The following ZC4H2 variants were observed in gnomAD, a reference collection of about 807,000 sequenced individuals.
ZC4H2 encodes the protein zinc finger C4H2-type containing, also known as zinc finger C4H2 domain-containing protein.
For synonymous variants in ZC4H2, 84 were observed against 66.3 expected (o/e 1.27, Z -1.30); for missense variants, 137 against 173.9 (o/e 0.79, Z 1.19).
chrX:65,031,867 G>T (rs1009866326), intron 1 of ZC4H2, among the ~76,000 whole-genome samples: 1 of 112,323 alleles, frequency 8.9e-6, no homozygotes, highest in Non-Finnish European at 1.9e-5. Context: ...TCTGTTGGAA[G>T]AATTCAATTA....
intron 1 of ZC4H2, among the ~76,000 whole-genome samples, chrX:64,932,918 G>C (rs1334735529): frequency 5.4e-5 from 6 of 111,528 alleles, no homozygotes; most frequent in African/African-American, 2.0e-4. Context: ...AGCAAGGCCA[G>C]GGAAGTTTTC....
intron 1 of ZC4H2, among the ~76,000 whole-genome samples, chrX:64,950,840 T>C (rs1259369357): frequency 9.0e-6 from 1 of 110,504 alleles, no homozygotes; most frequent in African/African-American, 3.3e-5. Context: ...AGGTTTAGAG[T>C]ACATGTCCAC....
At chrX:64,995,471 C>T (rs890680498) in intron 1 of ZC4H2, among the ~76,000 whole-genome samples, 3 of 112,077 alleles carry the variant, frequency 2.7e-5, no homozygotes, top group African/African-American at 6.5e-5. Context: ...GTGATCCTCC[C>T]ACCTCAGCTT....
chrX:64,938,966 G>C (rs1049175239), intron 1 of ZC4H2, among the ~76,000 whole-genome samples: 1 of 111,686 alleles, frequency 9.0e-6, no homozygotes, highest in African/African-American at 3.3e-5. Context: ...AGAAATAAAG[G>C]GTATTCAAAT....
intron 1 of ZC4H2, among the ~76,000 whole-genome samples, chrX:64,989,743 A>G (rs1483729490): frequency 1.8e-5 from 2 of 112,489 alleles, no homozygotes; most frequent in Non-Finnish European, 3.8e-5. Context: ...ATTTCACTGA[A>G]GAGGTTATAC....
At chrX:64,966,580 A>G (rs935699006) in intron 1 of ZC4H2, among the ~76,000 whole-genome samples, 16 of 112,334 alleles carry the variant, frequency 1.4e-4, no homozygotes, top group Non-Finnish European at 3.8e-5. Context: ...TGAACACCCA[A>G]AATGTGCGAT....
chrX:64,952,112 G>C (rs1335669979), intron 1 of ZC4H2, among the ~76,000 whole-genome samples: 3 of 110,536 alleles, frequency 2.7e-5, no homozygotes, highest in African/African-American at 6.6e-5. Context: ...GATAGTTGTA[G>C]ACATGTGGCG....
chrX:64,923,728 G>A (rs551850053), intron 1 of ZC4H2, among the ~76,000 whole-genome samples: 78 of 106,894 alleles, frequency 7.3e-4, no homozygotes, highest in South Asian at 3.0e-3. Context: ...AAAGGTGGGT[G>A]TTATCCCATT....
chrX:64,946,233 C>A (rs1163451774), intron 1 of ZC4H2, among the ~76,000 whole-genome samples: 4 of 111,798 alleles, frequency 3.6e-5, no homozygotes, highest in African/African-American at 1.3e-4. Flanking sequence ...AATCCCAGGG[C>A]CCTGGTGGTA....
At chrX:64,945,383 C>T (rs1240490804) in intron 1 of ZC4H2, among the ~76,000 whole-genome samples, 1 of 111,832 alleles carries the variant, frequency 8.9e-6, no homozygotes, top group Non-Finnish European at 1.9e-5. Flanking sequence ...ACTCCAGATC[C>T]TATTAGCCTG....
rs751139667 is a variant in ZC4H2, at chrX:64,946,035, C to T, written c.54-24047G>A. On this transcript the variant is annotated intron_variant, in intron 1 of 4. Coordinates refer to ENST00000374839, the MANE Select transcript of ZC4H2 (RefSeq NM_018684.4). ...CTGGGCTCTGTGGGGGTGGGACCTG[C>T]TAAGCGAGATCACTTGGCTTTCTGG... 4.5e-5 allele frequency among the ~76,000 whole-genome samples: 5 copies of T among 111,149 alleles called. No homozygotes were observed. The South Asian group carries it at 1.9e-3, about 42-fold the overall frequency.
chrX:64,966,591 A>G (rs1931600425), intron 1 of ZC4H2, among the ~76,000 whole-genome samples: 1 of 112,386 alleles, frequency 8.9e-6, no homozygotes, highest in Admixed American at 9.4e-5. Context: ...AATGTGCGAT[A>G]TCCATGCAAT....
At chrX:64,928,987 C>T (rs1220283757) in intron 1 of ZC4H2, among the ~76,000 whole-genome samples, 4 of 106,460 alleles carry the variant, frequency 3.8e-5, no homozygotes, top group Non-Finnish European at 7.7e-5. Flanking sequence ...CTCTCAGGCT[C>T]AAGCAATTCT....
intron 1 of ZC4H2, among the ~76,000 whole-genome samples, chrX:64,991,334 C>T (rs1249162432): frequency 1.8e-5 from 2 of 111,795 alleles, no homozygotes; most frequent in Non-Finnish European, 3.8e-5. Context: ...TGAAGATCAT[C>T]CCAGTGGTCA....
upstream of ZC4H2, among the ~76,000 whole-genome samples, chrX:64,978,210 T>C (rs1363872183): frequency 8.9e-6 from 1 of 111,991 alleles, no homozygotes; most frequent in East Asian, 2.8e-4. Context: ...CTTGAGAAGT[T>C]TGTGGAACAT....
intron 1 of ZC4H2, among the ~76,000 whole-genome samples, chrX:64,971,881 G>T (rs1269781508): frequency 8.9e-6 from 1 of 111,880 alleles, no homozygotes; most frequent in African/African-American, 3.3e-5. Context: ...AGCTCTTTGT[G>T]TATGGATATG....
intron 3 of ZC4H2, chrX:64,919,725 T>C (rs1929097383): frequency 5.8e-6 from 1 of 173,388 alleles, no homozygotes; most frequent in African/African-American, 3.0e-5. Flanking sequence ...TTTAGAGGTT[T>C]CTAGATATCG....
intron 1 of ZC4H2, chrX:64,965,547 C>T: frequency 3.4e-6 from 1 of 297,991 alleles, no homozygotes; most frequent in Non-Finnish European, 6.4e-6. Flanking sequence ...AGGAGAAAAT[C>T]TTTGTGAATA....
chrX:64,997,557 T>C (rs1237103138), intron 1 of ZC4H2, among the ~76,000 whole-genome samples: 1 of 112,795 alleles, frequency 8.9e-6, no homozygotes, highest in Non-Finnish European at 1.9e-5. Context: ...TCACACAATA[T>C]ACATAGAAGT....
Sources: gnomAD v4.1 joint callset for allele counts (sites outside exome capture counted in the v4.1 genomes callset) on GRCh38, gnomAD v4.1.1 for gene constraint, MANE v1.5 for transcripts, NCBI Gene and HGNC (gene_info 2026-07-23, HGNC 2026-07-21) for gene names.